PTPRT: variants seen among roughly 807,000 people sequenced by gnomAD.
The protein encoded by PTPRT is protein tyrosine phosphatase receptor type T.
PTPRT carries 56 observed loss-of-function variants against 176.8 expected under a neutral mutation model. The ratio of observed to expected loss-of-function variants is 0.32; its 90% CI spans 0.26 to 0.40. The LOEUF (loss-of-function observed/expected upper bound fraction) is 0.40. PTPRT is among the 10% of genes least tolerant of loss of function. The pLI, the probability that PTPRT is intolerant of heterozygous loss-of-function variation, is 1.00. For missense variants in PTPRT, 1,540 were observed against 1,908.2 expected, an observed-to-expected ratio of 0.81 and a Z score of 3.60; for synonymous variants, 783 against 739.0, an observed-to-expected ratio of 1.06 and a Z score of -0.96.
At chr20:42,353,661 G>T (rs2058318779) in intron 9 of PTPRT, among the ~76,000 whole-genome samples, 1 of 152,152 alleles carries the variant, frequency 6.6e-6, no homozygotes, top group African/African-American at 2.4e-5. Flanking sequence ...TGGTCCCACG[G>T]ATCACACTTT....
intron 15 of PTPRT, among the ~76,000 whole-genome samples, chr20:42,226,744 C>A (rs1390426643): frequency 6.6e-6 from 1 of 152,040 alleles, no homozygotes; most frequent in East Asian, 1.9e-4. Flanking sequence ...GGCACTGTGG[C>A]TGGGCACTTC....
intron 1 of PTPRT, among the ~76,000 whole-genome samples, chr20:43,185,930 C>CA (rs11476337): frequency 0.078 from 11,391 of 146,934 alleles, 888 homozygotes; most frequent in East Asian, 0.37. Flanking sequence ...AGACTGATCT[C>CA]AAAAAAAAAA....
rs1339656398 is a variant in PTPRT, at chr20:42,413,848, T to C, written c.1560+34372A>G. 2.0e-5 allele frequency among the ~76,000 whole-genome samples: 3 copies of C among 152,048 alleles called. No homozygotes were observed. The East Asian group carries it at 5.8e-4, about 29-fold the overall frequency. On this transcript the variant is annotated intron_variant, in intron 9 of 30. Transcript: ENST00000373187. The stretch of plus-strand genomic sequence containing the variant: ...CCAGAACCATCACTCTCCACGAGAG[T>C]AGAGACTTTATTTTTTGTTTGAGAC...
chr20:42,629,558 G>A lies in PTPRT; in HGVS notation c.1153+48308C>T, dbSNP rs545758515. Among the ~76,000 whole-genome samples the A allele has an allele frequency of 2.0e-5, 3 of 152,318 alleles. No homozygotes were observed. In the East Asian group the frequency reaches 5.8e-4, roughly 29 times the overall value. On this transcript the variant is annotated intron_variant, in intron 7 of 30. Coordinates refer to ENST00000373187, the MANE Select transcript of PTPRT (RefSeq NM_007050.6). The stretch of plus-strand genomic sequence containing the variant: ...CCCCAACAATTGCTTGTTTTCTAAT[G>A]TTGCCTGGTTGGGGGAAGATATATT...
chr20:43,105,120 G>C (rs2012548085), intron 1 of PTPRT, among the ~76,000 whole-genome samples: 1 of 152,100 alleles, frequency 6.6e-6, no homozygotes, highest in African/African-American at 2.4e-5. Flanking sequence ...GTGTAAGCAA[G>C]GTCATGGGTA....
intron 21 of PTPRT, 62 bp from the exon 22 acceptor site, chr20:42,115,377 G>T: frequency 7.9e-7 from 1 of 1,261,490 alleles, no homozygotes; most frequent in Non-Finnish European, 1.2e-6. Flanking sequence ...TAAGCACATG[G>T]CTGAGTGTGA....
chr20:42,700,735 A>T (rs1362143080), intron 6 of PTPRT, among the ~76,000 whole-genome samples: 1 of 152,206 alleles, frequency 6.6e-6, no homozygotes, highest in Non-Finnish European at 1.5e-5. Flanking sequence ...GGGATAAGTC[A>T]CCATCCCTCT....
At chr20:42,697,121 G>A (rs2075892943) in intron 6 of PTPRT, among the ~76,000 whole-genome samples, 2 of 151,836 alleles carry the variant, frequency 1.3e-5, no homozygotes, top group Admixed American at 6.6e-5. Flanking sequence ...ATGCACCAGA[G>A]AAAAAAACAA....
At chr20:42,112,683 C>G (rs1987066018) in intron 22 of PTPRT, among the ~76,000 whole-genome samples, 1 of 152,138 alleles carries the variant, frequency 6.6e-6, no homozygotes, top group Admixed American at 6.5e-5. Context: ...CCACCCCATC[C>G]TGGCTCTCTC....
At chr20:42,358,495 C>T (rs1277148297) in intron 9 of PTPRT, among the ~76,000 whole-genome samples, 1 of 152,144 alleles carries the variant, frequency 6.6e-6, no homozygotes, top group Non-Finnish European at 1.5e-5. Flanking sequence ...GGGAAGATGG[C>T]TCTTATGAGC....
chr20:42,697,620 C>T (rs536675866), intron 6 of PTPRT, among the ~76,000 whole-genome samples: 38 of 152,282 alleles, frequency 2.5e-4, no homozygotes, highest in East Asian at 5.8e-4. Context: ...TGTTCCAGCA[C>T]GTGAAGCATC....
At chr20:42,102,322 T>C (rs957622949) in intron 25 of PTPRT, 25 bp from the exon 26 acceptor site, 1 of 1,604,882 alleles carries the variant, frequency 6.2e-7, no homozygotes, top group South Asian at 1.1e-5. Flanking sequence ...GGTGAATAGA[T>C]AGGCCCTGCT....
chr20:42,859,686 C>G (rs969429246), intron 2 of PTPRT, among the ~76,000 whole-genome samples: 1 of 151,336 alleles, frequency 6.6e-6, no homozygotes, highest in Non-Finnish European at 1.5e-5. Flanking sequence ...CAGGTTCACA[C>G]CATTCTCCTG....
intron 7 of PTPRT, chr20:42,606,833 C>G (rs1000857997): frequency 1.3e-5 from 2 of 152,264 alleles, no homozygotes; most frequent in Middle Eastern, 3.4e-3. Flanking sequence ...CACTGAATTT[C>G]CATTAGATGG....
At chr20:42,293,668 C>T (rs1204605604) in intron 12 of PTPRT, among the ~76,000 whole-genome samples, 2 of 152,144 alleles carry the variant, frequency 1.3e-5, no homozygotes, top group Non-Finnish European at 2.9e-5. Context: ...CTCATCTATC[C>T]ATCTGTCTAC....
rs995228053 is a variant in PTPRT, at chr20:42,600,006, T to A, written c.1153+77860A>T. 2.6e-5 allele frequency among the ~76,000 whole-genome samples: 4 copies of A among 152,272 alleles called. No individual in the cohort carries two copies. In the South Asian group the frequency reaches 8.3e-4, roughly 32 times the overall value. On this transcript the variant is annotated intron_variant, in intron 7 of 30. Transcript: ENST00000373187. ...TTGTCCTCTCAGCCTTGATTGCCCT[T>A]CCAGATGTAACCTAACTAGTTCAGC...
In PTPRT at chr20:42,324,093, C is replaced by T. The variant is rs918050677; in HGVS notation, c.1866-8097G>A. ...TGTTCATAGAAGCATTATTTATAAT[C>T]GCCAAAACATAAAAACCATCCAAAT... is the stretch of plus-strand genomic sequence containing the variant. On this transcript the variant is annotated intron_variant, in intron 11 of 30. Coordinates refer to ENST00000373187, the MANE Select transcript of PTPRT (RefSeq NM_007050.6). 3.9e-5 allele frequency among the ~76,000 whole-genome samples: 6 copies of T among 152,082 alleles called. No individual in the cohort carries two copies. In the East Asian group the frequency reaches 7.7e-4, roughly 20 times the overall value.
chr20:42,657,764 C>G (rs1235765361), intron 7 of PTPRT, among the ~76,000 whole-genome samples: 1 of 151,922 alleles, frequency 6.6e-6, no homozygotes, highest in Non-Finnish European at 1.5e-5. Context: ...CTTGCTCCCT[C>G]AAGGAAAAAA....
At chr20:42,423,566 C>T (rs533872912) in intron 9 of PTPRT, among the ~76,000 whole-genome samples, 1 of 152,302 alleles carries the variant, frequency 6.6e-6, no homozygotes, top group South Asian at 2.1e-4. Flanking sequence ...TGATGCAATG[C>T]ACCACTCTAG....
Sources: allele counts gnomAD v4.1 joint callset (sites outside exome capture counted in the v4.1 genomes callset), GRCh38; gene constraint gnomAD v4.1.1; transcripts MANE v1.5; gene names NCBI Gene and HGNC (gene_info 2026-07-23, HGNC 2026-07-21).